Variants in USP34 observed in about 807,000 individuals in gnomAD.
USP34 encodes the protein ubiquitin carboxyl-terminal hydrolase 34.
In USP34, 70 loss-of-function variants were observed where a neutral mutation model predicts 460.3. The observed-to-expected ratio is 0.15, with a 90% confidence interval of 0.13 to 0.19. The LOEUF (loss-of-function observed/expected upper bound fraction) is 0.19. Ranked by LOEUF, USP34 falls within the 10% of genes least tolerant of loss-of-function variation. USP34 has a pLI of 1.00. For missense variants in USP34, 3,985 were observed against 4,236.2 expected (o/e 0.94, Z 1.65); for synonymous variants, 1,647 against 1,405.3 (o/e 1.17, Z -3.85).
intron 41 of USP34, among the ~76,000 whole-genome samples, chr2:61,276,237 CAT>C (rs1307439092): frequency 1.3e-5 from 2 of 152,138 alleles, no homozygotes; most frequent in South Asian, 2.1e-4. Context: ...TGTATACTAA[CAT>C]AAACTACGGA....
intron 1 of USP34, among the ~76,000 whole-genome samples, chr2:61,461,922 T>A (rs1695612784): frequency 6.6e-6 from 1 of 152,174 alleles, no homozygotes; most frequent in Non-Finnish European, 1.5e-5. Flanking sequence ...TATTAAATTT[T>A]ATATAAAATG....
intron 62 of USP34, chr2:61,223,606 A>C: frequency 4.2e-6 from 1 of 237,070 alleles, no homozygotes; most frequent in Non-Finnish European, 8.2e-6. Context: ...ACCCTTCAAA[A>C]CCAAATGGAC....
intron 2 of USP34, among the ~76,000 whole-genome samples, chr2:61,410,706 A>G (rs1694011266): frequency 6.6e-6 from 1 of 152,218 alleles, no homozygotes; most frequent in African/African-American, 2.4e-5. Flanking sequence ...AAATATACTA[A>G]AGAACACTCT....
intron 10 of USP34, among the ~76,000 whole-genome samples, chr2:61,351,971 T>C (rs1164115375): frequency 6.6e-6 from 1 of 152,194 alleles, no homozygotes; most frequent in Non-Finnish European, 1.5e-5. Context: ...TTAAATAACA[T>C]TACAGATTAA....
chr2:61,307,512 AT>A (rs1049607779), intron 27 of USP34, among the ~76,000 whole-genome samples: 8 of 152,042 alleles, frequency 5.3e-5, no homozygotes, highest in Non-Finnish European at 1.2e-4. Context: ...CAATCTCATG[AT>A]TTCCTTTTTA....
At chr2:61,198,653 G>T (rs536359503) in intron 75 of USP34, among the ~76,000 whole-genome samples, 1 of 151,668 alleles carries the variant, frequency 6.6e-6, no homozygotes, top group African/African-American at 2.4e-5. Flanking sequence ...CACGGATCAC[G>T]AGGTCAGGAG....
Position 61,187,883 on chromosome 2 carries a change from A to G in USP34, c.*219T>C, listed in dbSNP as rs1686483787. ...AAGTGAACTCTTAATTACATAAAAC[A>G]TATCCATTATCTGATTGCCCTTTAG... On this transcript the variant is annotated 3_prime_UTR_variant, in exon 80 of 80. Transcript: ENST00000398571. 1 of 1,382,010 alleles carries G rather than the reference A, an allele frequency of 7.2e-7. No individual in the cohort carries two copies. Among genetic ancestry groups the G allele is most frequent in the Non-Finnish European group, 9.4e-7 (1 of 1,062,622 alleles). 85.6% of individuals were successfully genotyped at this position (1,382,010 alleles called of 1,614,324 possible). A position where few individuals can be genotyped will look rare whatever the true frequency, so the allele number is the denominator to read the frequency against.
At chr2:61,327,825 T>C (rs912002454) in intron 20 of USP34, among the ~76,000 whole-genome samples, 2 of 152,074 alleles carry the variant, frequency 1.3e-5, no homozygotes, top group African/African-American at 2.4e-5. Context: ...TATTGACAAA[T>C]TCTCATGGGC....
At chr2:61,212,933 T>C (rs1025191784) in intron 68 of USP34, among the ~76,000 whole-genome samples, 3 of 152,208 alleles carry the variant, frequency 2.0e-5, no homozygotes. Context: ...CCCGACCCCT[T>C]TGAAGTCAGA....
chr2:61,373,706 G>A (rs184054287), intron 8 of USP34, among the ~76,000 whole-genome samples: 5 of 152,162 alleles, frequency 3.3e-5, no homozygotes, highest in Non-Finnish European at 7.3e-5. Context: ...ACTCGCATTA[G>A]TTATATTCTA....
intron 12 of USP34, among the ~76,000 whole-genome samples, chr2:61,349,878 C>T (rs1176762439): frequency 6.6e-6 from 1 of 151,816 alleles, no homozygotes; most frequent in African/African-American, 2.4e-5. Flanking sequence ...CAAAAAAACC[C>T]CACAAAGCAC....
intron 2 of USP34, among the ~76,000 whole-genome samples, chr2:61,408,066 G>A (rs529607036): frequency 6.6e-5 from 10 of 152,160 alleles, no homozygotes; most frequent in Non-Finnish European, 1.3e-4. Context: ...AGTGAGCCGA[G>A]ATCATGCCAC....
At chr2:61,358,929 A>C (rs923894923) in intron 10 of USP34, among the ~76,000 whole-genome samples, 1 of 152,246 alleles carries the variant, frequency 6.6e-6, no homozygotes, top group African/African-American at 2.4e-5. Flanking sequence ...TTGTATTCTG[A>C]AAACTACAAA....
intron 75 of USP34, among the ~76,000 whole-genome samples, chr2:61,195,923 T>C (rs563271198): frequency 6.6e-6 from 1 of 152,122 alleles, no homozygotes; most frequent in East Asian, 1.9e-4. Flanking sequence ...TTTCTTTTTT[T>C]GAGACAAGGT....
At chr2:61,269,323 ATTTTTT>A (rs397869885) in intron 41 of USP34, among the ~76,000 whole-genome samples, 1 of 135,020 alleles carries the variant, frequency 7.4e-6, no homozygotes, top group Non-Finnish European at 1.6e-5. Flanking sequence ...ACCTTGGCTA[ATTTTTT>A]TTTTTTTTTT....
At chr2:61,250,477 G>T in intron 48 of USP34, 2 of 157,946 alleles carry the variant, frequency 1.3e-5, no homozygotes, top group Non-Finnish European at 1.5e-5. Context: ...CTCTCAGCAT[G>T]AGAAACACAA....
chr2:61,242,433 G>A (rs145417645), intron 51 of USP34, among the ~76,000 whole-genome samples: 2 of 134,344 alleles, frequency 1.5e-5, no homozygotes, highest in African/African-American at 5.6e-5. Context: ...TCAGAAAAAG[G>A]TAAGAGTCAA....
At chr2:61,265,121 G>A (rs1176776077) in intron 43 of USP34, 4 of 257,686 alleles carry the variant, frequency 1.6e-5, no homozygotes, top group African/African-American at 8.9e-5. Flanking sequence ...CCCAGTGAAT[G>A]CGTTTTTACT....
Position 61,283,393 on chromosome 2 carries a change from T to G in USP34, c.4873+16A>C, listed in dbSNP as rs1689593308. The G allele has an allele frequency of 6.3e-7, 1 of 1,594,982 alleles. No individual in the cohort carries two copies. ...AAGTTTTTATTTATTAAAAGTTAAC[T>G]TTGTGGAACCCTTACCTTCATGTCT... On this transcript the variant is annotated intron_variant, in intron 36 of 79. Transcript: ENST00000398571.
Sources: allele counts gnomAD v4.1 joint callset (sites outside exome capture counted in the v4.1 genomes callset), GRCh38; gene constraint gnomAD v4.1.1; transcripts MANE v1.5; gene names NCBI Gene and HGNC (gene_info 2026-07-23, HGNC 2026-07-21).